The following GLIS1 variants were observed in gnomAD, a reference collection of about 807,000 sequenced individuals.
The protein encoded by GLIS1 is zinc finger protein GLIS1.
Under a neutral mutation model 63.8 loss-of-function variants are expected in GLIS1, and 24 were observed. The ratio of observed to expected loss-of-function variants is 0.38; its 90% CI spans 0.27 to 0.53. The LOEUF (loss-of-function observed/expected upper bound fraction) is 0.53, where lower values mean the gene tolerates loss of function less well. Ranked by LOEUF, GLIS1 falls within the 20% of genes least tolerant of loss-of-function variation. GLIS1 has a pLI of 0.85. For missense variants in GLIS1, 1,036 were observed against 1,074.1 expected, an observed-to-expected ratio of 0.96 and a Z score of 0.50; for synonymous variants, 450 against 482.5, an observed-to-expected ratio of 0.93 and a Z score of 0.88.
At chr1:53,694,630 C>A (rs1462201838) in intron 2 of GLIS1, among the ~76,000 whole-genome samples, 2 of 152,208 alleles carry the variant, frequency 1.3e-5, no homozygotes, top group African/African-American at 4.8e-5. Flanking sequence ...CCACCTCCTA[C>A]AGGCTGTGTG....
At chr1:53,643,397 C>T (rs1051528351) in intron 2 of GLIS1, among the ~76,000 whole-genome samples, 1 of 152,182 alleles carries the variant, frequency 6.6e-6, no homozygotes, top group African/African-American at 2.4e-5. Flanking sequence ...GTGGAGTCAC[C>T]TGAACTTGAC....
rs74086354 is a variant in GLIS1 at position 53,541,095 on chromosome 1, T to A, written c.1321-11143A>T. Among the ~76,000 whole-genome samples the A allele has an allele frequency of 5.2e-3, 799 of 152,224 alleles. 8 individuals are homozygous for A. Among genetic ancestry groups the A allele is most frequent in the African/African-American group, 0.018 (758 of 41,528 alleles). On this transcript the variant is annotated intron_variant, in intron 4 of 10. Transcript: ENST00000628545. ...GGAAGATCCACTGGTGTGTAGCTCC[T>A]GGAGCCACAGTGACCTGAGAGAGTT...
chr1:53,706,016 C>G (rs1024444963), intron 2 of GLIS1, among the ~76,000 whole-genome samples: 5 of 152,196 alleles, frequency 3.3e-5, no homozygotes, highest in Admixed American at 6.5e-5. Context: ...ATTCTGCTGC[C>G]ATCCTCTATG....
At chr1:53,530,057 C>T in intron 4 of GLIS1, 105 bp from the exon 5 acceptor site, 1 of 1,052,662 alleles carries the variant, frequency 9.5e-7, no homozygotes. Flanking sequence ...CCTGCCCCTC[C>T]CATCCTGCTG....
chr1:53,567,536 A>G (rs966974994), intron 4 of GLIS1, among the ~76,000 whole-genome samples: 1 of 152,234 alleles, frequency 6.6e-6, no homozygotes, highest in African/African-American at 2.4e-5. Flanking sequence ...CCGAATGTTA[A>G]TAGCCAAGAC....
intron 2 of GLIS1, among the ~76,000 whole-genome samples, chr1:53,729,109 G>T (rs374614468): frequency 6.6e-6 from 1 of 152,214 alleles, no homozygotes; most frequent in African/African-American, 2.4e-5. Context: ...ATGCTGTCAC[G>T]TGGACAGTGG....
At chr1:53,632,937 G>T (rs575144541) in intron 2 of GLIS1, among the ~76,000 whole-genome samples, 1 of 149,344 alleles carries the variant, frequency 6.7e-6, no homozygotes, top group African/African-American at 2.5e-5. Flanking sequence ...TGACTGAGGG[G>T]CATGTGAATG....
At chr1:53,593,866 T>A (rs1369866875) in intron 4 of GLIS1, among the ~76,000 whole-genome samples, 2 of 152,154 alleles carry the variant, frequency 1.3e-5, no homozygotes, top group Non-Finnish European at 2.9e-5. Context: ...ATCTAATGCC[T>A]CAGGGTGGGG....
intron 4 of GLIS1, among the ~76,000 whole-genome samples, chr1:53,548,304 A>G (rs1644724983): frequency 6.6e-6 from 1 of 152,236 alleles, no homozygotes; most frequent in South Asian, 2.1e-4. Flanking sequence ...GCACATCTCT[A>G]ACGGGAGGCC....
At chr1:53,700,218 C>T (rs983913240) in intron 2 of GLIS1, among the ~76,000 whole-genome samples, 3 of 152,210 alleles carry the variant, frequency 2.0e-5, no homozygotes, top group Non-Finnish European at 4.4e-5. Context: ...TAGTCAGATG[C>T]TCCTGCTCTG....
intron 6 of GLIS1, among the ~76,000 whole-genome samples, chr1:53,523,955 C>T (rs147032844): frequency 6.6e-5 from 10 of 152,330 alleles, no homozygotes; most frequent in African/African-American, 1.2e-4. Flanking sequence ...GCCCTCTCAG[C>T]GCCAGTCACT....
chr1:53,659,525 G>A (rs2100355777), intron 2 of GLIS1, among the ~76,000 whole-genome samples: 1 of 152,312 alleles, frequency 6.6e-6, no homozygotes, highest in Admixed American at 6.5e-5. Context: ...ATGGTGAGTT[G>A]GTGACAGACC....
intron 2 of GLIS1, among the ~76,000 whole-genome samples, chr1:53,618,168 G>A (rs1645502658): frequency 6.6e-6 from 1 of 152,250 alleles, no homozygotes; most frequent in African/African-American, 2.4e-5. Context: ...GAGAGGGTTT[G>A]AGAACCTGAG....
rs920654707 is a variant in GLIS1 at position 53,526,911 on chromosome 1, G to C, written c.1483-2024C>G. ...AAGCTCCGCCTGGAATGGCCATGTG[G>C]GCTGCAGCGCCGGGCGGCCTCCCTC... is the stretch of plus-strand genomic sequence containing the variant. On this transcript the variant is annotated intron_variant, in intron 5 of 10. Coordinates refer to ENST00000628545, the MANE Select transcript of GLIS1 (RefSeq NM_001367484.1). The surrounding 1 kb of genome is among the most constrained non-coding windows in gnomAD (Gnocchi z 4.4). 3.9e-5 allele frequency among the ~76,000 whole-genome samples: 6 copies of C among 152,278 alleles called. No individual in the cohort carries two copies. Among genetic ancestry groups the C allele is most frequent in the African/African-American group, 1.4e-4 (6 of 41,480 alleles).
intron 4 of GLIS1, among the ~76,000 whole-genome samples, chr1:53,546,802 G>A (rs751225907): frequency 3.3e-5 from 5 of 152,190 alleles, no homozygotes; most frequent in Non-Finnish European, 5.9e-5. Flanking sequence ...CAGCTCATAA[G>A]CCACCTCTTC....
At position 53,650,919 on chromosome 1, in the gene GLIS1, G is replaced by A. The variant is rs149762680; in HGVS notation, c.260-50641C>T. Among the ~76,000 whole-genome samples the A allele has an allele frequency of 2.6e-3, 401 of 152,238 alleles. 1 individual carries two copies. The highest frequency in any genetic ancestry group is 4.6e-3 in the Non-Finnish European group (310 of 68,026). On this transcript the variant is annotated intron_variant, in intron 2 of 10. Transcript: ENST00000628545. ...TCCTCACCATCCTCTCTCAGGCATC[G>A]AACACTGGCCCAGGGAGCCCTGGAT...
chr1:53,645,116 C>T (rs977439133), intron 2 of GLIS1, among the ~76,000 whole-genome samples: 3 of 152,214 alleles, frequency 2.0e-5, no homozygotes, highest in African/African-American at 7.2e-5. Flanking sequence ...TCATGCCAAG[C>T]ACAGTCTGGC....
In GLIS1 at chr1:53,721,494, CAA is replaced by C. The variant is rs112247642; in HGVS notation, c.259+16310_259+16311del. Among the ~76,000 whole-genome samples, 13 of 146,452 alleles carry C rather than the reference CAA, an allele frequency of 8.9e-5. 1 individual carries two copies. The South Asian group carries it at 1.7e-3, about 19-fold the overall frequency. On this transcript the variant is annotated intron_variant, in intron 2 of 10. Transcript: ENST00000628545. ...AACTGAGGTGTACAGAAGAAAATGC[CAA>C]AAAAAAAAATGACTGAGTTGAAGGC...
At chr1:53,521,286 C>A (rs1378056652) in intron 6 of GLIS1, among the ~76,000 whole-genome samples, 1 of 152,100 alleles carries the variant, frequency 6.6e-6, no homozygotes, top group Non-Finnish European at 1.5e-5. Context: ...GCAGCCGCAC[C>A]GGTGAATGGA....
Sources: allele counts gnomAD v4.1 joint callset (sites outside exome capture counted in the v4.1 genomes callset), GRCh38; gene constraint gnomAD v4.1.1; non-coding constraint Gnocchi (gnomAD v3.1); transcripts MANE v1.5; gene names NCBI Gene and HGNC (gene_info 2026-07-23, HGNC 2026-07-21).